The following NUDT7 variants were observed in gnomAD, a reference collection of about 807,000 sequenced individuals.
NUDT7 encodes peroxisomal coenzyme A diphosphatase NUDT7.
A neutral mutation model predicts 13.1 loss-of-function variants in NUDT7; 19 were observed. The observed-to-expected ratio is 1.45, with a 90% CI of 1.01 to 2.13. The LOEUF (loss-of-function observed/expected upper bound fraction) is 2.13, where lower values mean the gene tolerates loss of function less well. Among genes scored for constraint, NUDT7 ranks in the 30% most tolerant of loss-of-function variants. The pLI is 0.00. For missense variants in NUDT7, 360 were observed against 291.7 expected, an observed-to-expected ratio of 1.23 and a Z score of -1.71; for synonymous variants, 132 against 109.7, an observed-to-expected ratio of 1.20 and a Z score of -1.27.
intron 3 of NUDT7, among the ~76,000 whole-genome samples, chr16:77,737,228 G>A (rs2014515809): frequency 6.6e-6 from 1 of 152,172 alleles, no homozygotes; most frequent in Non-Finnish European, 1.5e-5. Flanking sequence ...TCTCATCTAA[G>A]ATACCATATT....
rs1478548302 is a variant in NUDT7, at chr16:77,722,514, G to T, written c.-69G>T. The T allele has an allele frequency of 2.8e-6, 4 of 1,436,912 alleles. No individual in the cohort carries two copies. The highest frequency in any genetic ancestry group is 3.9e-5 in the Admixed American group (2 of 50,870). 89.0% of individuals were successfully genotyped at this position (1,436,912 alleles called of 1,614,324 possible). ...TTAGGCCGCTCCCAAGCCCAGAGCT[G>T]CTCTGCGCAAGCGCGACCGACCGAG... On this transcript the variant is annotated 5_prime_UTR_variant, in exon 1 of 4. Coordinates refer to ENST00000268533, the MANE Select transcript of NUDT7 (RefSeq NM_001105663.3).
In NUDT7 at chr16:77,724,247, C is replaced by T. The variant is rs187904461; in HGVS notation, c.36-1184C>T. Among the ~76,000 whole-genome samples the T allele has an allele frequency of 2.4e-4, 37 of 152,126 alleles. No homozygotes were observed. The East Asian group carries it at 5.2e-3, about 21-fold the overall frequency. On this transcript the variant is annotated intron_variant, in intron 1 of 3. Transcript: ENST00000268533. ...GTCTTCTTCCCTGTGTGCATCTCTCCATGTTTTTTCTTCTTTTATTTTATT... is the reference window on the plus strand; with the variant it reads ...GTCTTCTTCCCTGTGTGCATCTCTCTATGTTTTTTCTTCTTTTATTTTATT...
intron 2 of NUDT7, among the ~76,000 whole-genome samples, chr16:77,728,885 G>A (rs752221698): frequency 4.7e-5 from 7 of 149,778 alleles, no homozygotes; most frequent in African/African-American, 1.2e-4. Context: ...CTGCATTATC[G>A]GTCCTGCTCT....
chr16:77,727,925 GA>G (rs1421377182), intron 2 of NUDT7, among the ~76,000 whole-genome samples: 1 of 151,756 alleles, frequency 6.6e-6, no homozygotes, highest in African/African-American at 2.4e-5. Context: ...AATAATATAG[GA>G]AATCTAGACA....
intron 2 of NUDT7, chr16:77,735,281 T>C (rs1327658629): frequency 2.5e-6 from 1 of 407,216 alleles, no homozygotes; most frequent in Non-Finnish European, 4.3e-6. Flanking sequence ...TTTGATCACG[T>C]GGGCGGATTT....
chr16:77,741,404 G>C (rs1269518390), intron 3 of NUDT7, 178 bp from the exon 4 acceptor site: 9 of 587,938 alleles, frequency 1.5e-5, no homozygotes, highest in Middle Eastern at 9.0e-4. Flanking sequence ...TGTCACCTCA[G>C]GTAGAGCAGG....
intron 2 of NUDT7, among the ~76,000 whole-genome samples, chr16:77,732,745 C>T (rs748918281): frequency 8.5e-5 from 13 of 152,136 alleles, no homozygotes; most frequent in Non-Finnish European, 1.8e-4. Flanking sequence ...ATGATGAAAT[C>T]GCCTAATGCA....
chr16:77,724,463 G>A (rs1414318587), intron 1 of NUDT7, among the ~76,000 whole-genome samples: 15 of 150,986 alleles, frequency 9.9e-5, no homozygotes, highest in Non-Finnish European at 2.9e-5. Flanking sequence ...TGTAGAGACA[G>A]GGTCTTACCA....
chr16:77,741,600 C>G lies in NUDT7; in HGVS notation c.367C>G (p.Pro123Ala). The G allele has an allele frequency of 6.2e-7, 1 of 1,609,524 alleles. No homozygotes were observed. The highest frequency in any genetic ancestry group is 8.5e-7 in the Non-Finnish European group (1 of 1,178,836). Residue 123 changes from proline (P) to alanine (A), a missense_variant, in exon 4 of 4, where the codon CCA becomes GCA. Coordinates refer to ENST00000268533, the MANE Select transcript of NUDT7 (RefSeq NM_001105663.3). ...CTTTTAGACAGATACATTGATAACT[C>G]CATTTGTGGGTTTAATAGACCACAA... ...CLIDTDTLITPFVGLIDHNFQ... is the reference protein window; with the variant it reads ...CLIDTDTLITAFVGLIDHNFQ...
At chr16:77,730,729 G>C (rs1209547040) in intron 2 of NUDT7, among the ~76,000 whole-genome samples, 1 of 151,998 alleles carries the variant, frequency 6.6e-6, no homozygotes, top group Non-Finnish European at 1.5e-5. Flanking sequence ...TTCCCACCAA[G>C]AGTGTGTGAT....
At chr16:77,726,652 C>G (rs1376474170) in intron 2 of NUDT7, among the ~76,000 whole-genome samples, 1 of 152,042 alleles carries the variant, frequency 6.6e-6, no homozygotes, top group Non-Finnish European at 1.5e-5. Context: ...AAAGAATTAG[C>G]CAGGCATGGT....
intron 3 of NUDT7, among the ~76,000 whole-genome samples, chr16:77,740,531 T>C (rs1475469957): frequency 6.6e-6 from 1 of 152,000 alleles, no homozygotes; most frequent in East Asian, 1.9e-4. Context: ...TTCATTTGCT[T>C]TTTTACTTTT....
rs763459312 is a variant in NUDT7 at position 77,741,670 on chromosome 16, T to C, written c.437T>C (p.Leu146Pro). The C allele has an allele frequency of 4.6e-5, 74 of 1,614,102 alleles. 1 individual carries two copies. In the Middle Eastern group the frequency reaches 9.9e-4, roughly 22 times the overall value. Residue 146 changes from leucine to proline, a missense_variant, in exon 4 of 4, where the codon CTG becomes CCG. Transcript: ENST00000268533. ...PNPAEVKDVF[L>P]VPLAYFLHPQ... Reference sequence around the variant, plus strand: ...CCTGCTGAAGTTAAGGATGTATTCCTGGTGCCTCTGGCCTATTTCCTGCAT... The same window carrying C: ...CCTGCTGAAGTTAAGGATGTATTCCCGGTGCCTCTGGCCTATTTCCTGCAT...
chr16:77,726,957 G>GCAGAGC lies in NUDT7; in HGVS notation c.189+1373_189+1374insCAGAGC, dbSNP rs1475918520. Among the ~76,000 whole-genome samples the GCAGAGC allele has an allele frequency of 5.9e-5, 9 of 152,244 alleles. No homozygotes were observed. In the South Asian group the frequency reaches 1.9e-3, roughly 32 times the overall value. ...CAGGGAGTGTACCATCATGGCAGAGGGGGAGCAGGAGCAAGAGAGAGAGCA... is the reference window on the plus strand; with the variant it reads ...CAGGGAGTGTACCATCATGGCAGAGGCAGAGCGGGAGCAGGAGCAAGAGAGAGAGCA... On this transcript the variant is annotated intron_variant, in intron 2 of 3. Coordinates refer to ENST00000268533, the MANE Select transcript of NUDT7 (RefSeq NM_001105663.3).
At position 77,741,719 on chromosome 16, in the gene NUDT7, C is replaced by T. The variant is rs1392186417; in HGVS notation, c.486C>T (p.Tyr162=). 5 of 1,614,082 alleles carry T rather than the reference C, an allele frequency of 3.1e-6. No individual in the cohort carries two copies. Among genetic ancestry groups the T allele is most frequent in the Non-Finnish European group, 3.4e-6 (4 of 1,179,976 alleles). The change falls in exon 4 of 4, where the codon TAC becomes TAT. Residue 162 remains tyrosine, a synonymous_variant. Transcript: ENST00000268533. ...FLHPQVHDQH[Y]VTRLGHRFIN... ...ATCCACAGGTCCATGACCAGCATTA[C>T]GTCACACGTCTTGGTCACCGTTTTA...
In NUDT7 at chr16:77,725,184, T is replaced by C. The variant is rs531109724; in HGVS notation, c.36-247T>C. ...GCATTATTGAAAAAACATTTTACCA[T>C]ACTTTATGTTTCAAAGAGAACCTGT... On this transcript the variant is annotated intron_variant, in intron 1 of 3. Coordinates refer to ENST00000268533, the MANE Select transcript of NUDT7 (RefSeq NM_001105663.3). Among the ~76,000 whole-genome samples, 14 of 152,340 alleles carry C rather than the reference T, an allele frequency of 9.2e-5. No homozygotes were observed. The South Asian group carries it at 2.7e-3, about 29-fold the overall frequency.
rs777354797 is a variant in NUDT7 at position 77,722,626 on chromosome 16, T to C, written c.35+9T>C. On this transcript the variant is annotated intron_variant, in intron 1 of 3. Transcript: ENST00000268533. ...CCCGAGGAGCCAGTCAGGTAAAGGC[T>C]TTCCGGGCCCTGGCACCCCGAGCTT... 12 of 1,590,874 alleles carry C rather than the reference T, an allele frequency of 7.5e-6. No homozygotes were observed. In the African/African-American group the frequency reaches 8.1e-5, roughly 11 times the overall value.
intron 2 of NUDT7, chr16:77,735,470 G>C: frequency 1.5e-6 from 1 of 663,372 alleles, no homozygotes; most frequent in Non-Finnish European, 2.7e-6. Context: ...AAGCCAAGCA[G>C]ACGCCAGCAT....
chr16:77,731,538 A>G (rs935232934), intron 2 of NUDT7, among the ~76,000 whole-genome samples: 2 of 152,218 alleles, frequency 1.3e-5, no homozygotes, highest in African/African-American at 4.8e-5. Flanking sequence ...TATGCACAAT[A>G]TATAATACTT....
Sources: allele counts gnomAD v4.1 joint callset (sites outside exome capture counted in the v4.1 genomes callset), GRCh38; gene constraint gnomAD v4.1.1; transcripts MANE v1.5; gene names NCBI Gene and HGNC (gene_info 2026-07-23, HGNC 2026-07-21).